Variants in OGDH observed in about 807,000 individuals in gnomAD.
OGDH encodes oxoglutarate dehydrogenase, also known as 2-oxoglutarate dehydrogenase complex component E1.
Under a neutral mutation model 116.6 loss-of-function variants are expected in OGDH, and 38 were observed. That is an observed-to-expected ratio of 0.33 (90% CI 0.25 to 0.43). The LOEUF is 0.43. Ranked by LOEUF, OGDH falls within the 20% of genes least tolerant of loss-of-function variation. OGDH has a pLI of 1.00. For synonymous variants in OGDH, 488 were observed against 533.3 expected, an observed-to-expected ratio of 0.92 and a Z score of 1.17; for missense variants, 825 against 1,357.2, an observed-to-expected ratio of 0.61 and a Z score of 6.16.
chr7:44,618,038 C>T (rs974074151), intron 1 of OGDH, among the ~76,000 whole-genome samples: 2 of 152,146 alleles, frequency 1.3e-5, no homozygotes, highest in Admixed American at 6.5e-5. Context: ...TTAAGTATAT[C>T]GTTTCCTAAG....
At chr7:44,676,327 G>T (rs560630787) in intron 9 of OGDH, 178 bp downstream of exon 9, 1 of 1,404,722 alleles carries the variant, frequency 7.1e-7, no homozygotes, top group Non-Finnish European at 9.5e-7. Context: ...AGGCCGAGGT[G>T]GGCAGATCAC....
intron 18 of OGDH, among the ~76,000 whole-genome samples, chr7:44,699,457 A>G (rs1163134337): frequency 1.3e-5 from 2 of 151,756 alleles, no homozygotes; most frequent in Admixed American, 6.6e-5. Context: ...AAACTCAAAG[A>G]AAATGATTAG....
chr7:44,703,711 G>A lies in OGDH; in HGVS notation c.2632+2096G>A, dbSNP rs556555524. Among the ~76,000 whole-genome samples, 5 of 150,860 alleles carry A rather than the reference G, an allele frequency of 3.3e-5. No individual in the cohort carries two copies. In the South Asian group the frequency reaches 6.3e-4, roughly 19 times the overall value. On this transcript the variant is annotated intron_variant, in intron 20 of 22. Transcript: ENST00000222673. Reference sequence around the variant, plus strand: ...TTCCAGCCTGGGTGACAGAGACTCCGTCTCAAAAAAAATAAATAAATAAAC... The same window carrying A: ...TTCCAGCCTGGGTGACAGAGACTCCATCTCAAAAAAAATAAATAAATAAAC...
At position 44,708,994 on chromosome 7, in the gene OGDH, T is replaced by TA. The variant is rs3839752; in HGVS notation, c.*1009dup. On this transcript the variant is annotated 3_prime_UTR_variant, in exon 23 of 23. Transcript: ENST00000222673. ...ACAGATCTGATTTATTTATTTTGGTTAAAAAAAAAAAAAAGGAACAGAAAC... is the reference window on the plus strand; with the variant it reads ...ACAGATCTGATTTATTTATTTTGGTTAAAAAAAAAAAAAAAGGAACAGAAAC... 0.2 allele frequency: 29,249 copies of TA among 145,288 alleles called. 4,507 individuals are homozygous for TA. Among genetic ancestry groups the TA allele is most frequent in the East Asian group, 0.48 (2,390 of 4,996 alleles). The allele number at this position is 145,288 out of a possible 1,614,324, so 9.0% of individuals were successfully genotyped here. A position where few individuals can be genotyped will look rare whatever the true frequency, so the allele number is the denominator to read the frequency against.
rs564415953 is a variant in OGDH at position 44,645,281 on chromosome 7, G to T, written c.223-46G>T. 7.2e-5 allele frequency: 113 copies of T among 1,564,132 alleles called. 1 individual carries two copies. In the South Asian group the frequency reaches 9.7e-4, roughly 13 times the overall value. On this transcript the variant is annotated intron_variant, in intron 2 of 22. Coordinates refer to ENST00000222673, the MANE Select transcript of OGDH (RefSeq NM_002541.4). ...TCTCTGTGGCCACAGATGCATCCTG[G>T]ACTTAGGGGAGCAGTGAGGTAACCC...
intron 9 of OGDH, among the ~76,000 whole-genome samples, chr7:44,678,807 C>T (rs759119438): frequency 6.6e-6 from 1 of 152,178 alleles, no homozygotes; most frequent in African/African-American, 2.4e-5. Flanking sequence ...CTATTAAATC[C>T]AGAAACTCAG....
At chr7:44,667,213 A>G (rs1787224293) in intron 5 of OGDH, among the ~76,000 whole-genome samples, 1 of 152,170 alleles carries the variant, frequency 6.6e-6, no homozygotes, top group Non-Finnish European at 1.5e-5. Context: ...GGCCTCTCGA[A>G]GTGCTGGGAT....
intron 1 of OGDH, among the ~76,000 whole-genome samples, chr7:44,616,761 A>C (rs1021683060): frequency 6.9e-6 from 1 of 145,974 alleles, no homozygotes; most frequent in African/African-American, 2.5e-5. Context: ...ATGTGTATAT[A>C]TATACACGTA....
At chr7:44,671,047 A>C (rs974730720) in intron 5 of OGDH, among the ~76,000 whole-genome samples, 10 of 151,910 alleles carry the variant, frequency 6.6e-5, no homozygotes, top group Non-Finnish European at 1.3e-4. Flanking sequence ...AAAAAAGAAA[A>C]TATGGTTTGG....
At chr7:44,686,190 G>A (rs1158839944) in intron 10 of OGDH, among the ~76,000 whole-genome samples, 1 of 152,094 alleles carries the variant, frequency 6.6e-6, no homozygotes, top group Non-Finnish European at 1.5e-5. Flanking sequence ...TCAGCACAGT[G>A]TCAAAGTGGA....
At position 44,629,575 on chromosome 7, in the gene OGDH, C is replaced by CTTTTTTTT. The variant is rs1037295168; in HGVS notation, c.222+5014_222+5015insTTTTTTTT. Among the ~76,000 whole-genome samples the CTTTTTTTT allele has an allele frequency of 8.9e-5, 12 of 134,430 alleles. 2 individuals carry two copies. The highest frequency in any genetic ancestry group is 2.4e-4 in the South Asian group (1 of 4,192). The allele number at this position is 134,430 out of a possible 152,430, so 88.2% of individuals were successfully genotyped here. A position where few individuals can be genotyped will look rare whatever the true frequency, so the allele number is the denominator to read the frequency against. Reference sequence around the variant, plus strand: ...TTTCTTTTCTTTCCTTTTTCTTTTTCTTTTCTTTTTTTTTTTTTTTTTTGA... The same window carrying CTTTTTTTT: ...TTTCTTTTCTTTCCTTTTTCTTTTTCTTTTTTTTTTTTCTTTTTTTTTTTTTTTTTTGA... On this transcript the variant is annotated intron_variant, in intron 2 of 22. Coordinates refer to ENST00000222673, the MANE Select transcript of OGDH (RefSeq NM_002541.4).
In OGDH at chr7:44,676,089, C is replaced by T. The variant is rs138707524; in HGVS notation, c.1146C>T (p.Pro382=). The change falls in exon 9 of 23, where the codon CCC becomes CCT. Residue 382 remains proline, a synonymous_variant. Coordinates refer to ENST00000222673, the MANE Select transcript of OGDH (RefSeq NM_002541.4). ...CTTCCCACCTTGAGGCCGCTGACCC[C>T]GTGGTGATGGGCAAGACCAAAGCCG... ...ANPSHLEAAD[P]VVMGKTKAEQ... The T allele has an allele frequency of 4.3e-5, 69 of 1,613,868 alleles. No individual in the cohort carries two copies. The African/African-American group carries it at 5.1e-4, about 12-fold the overall frequency.
chr7:44,673,220 A>G (rs1787546604), intron 5 of OGDH, among the ~76,000 whole-genome samples: 1 of 152,162 alleles, frequency 6.6e-6, no homozygotes, highest in African/African-American at 2.4e-5. Flanking sequence ...TCAAAACATG[A>G]GGCAAGAAGA....
At chr7:44,624,708 G>A (rs553198312) in intron 2 of OGDH, 143 bp downstream of exon 2, 22 of 713,994 alleles carry the variant, frequency 3.1e-5, no homozygotes, top group South Asian at 2.7e-4. Flanking sequence ...TATCTGTATC[G>A]GACCCAGCAT....
At chr7:44,640,049 A>C (rs563555878) in intron 2 of OGDH, among the ~76,000 whole-genome samples, 2 of 152,360 alleles carry the variant, frequency 1.3e-5, no homozygotes, top group East Asian at 3.9e-4. Flanking sequence ...CCCTGTCTCC[A>C]GGGCCTAGGC....
At chr7:44,618,910 A>AG (rs1784904740) in intron 1 of OGDH, among the ~76,000 whole-genome samples, 1 of 152,244 alleles carries the variant, frequency 6.6e-6, no homozygotes, top group Non-Finnish European at 1.5e-5. Flanking sequence ...CTGAACAAAC[A>AG]GGCCTGGCTG....
chr7:44,628,119 CTTT>C lies in OGDH; in HGVS notation c.222+3558_222+3560del, dbSNP rs574481190. On this transcript the variant is annotated intron_variant, in intron 2 of 22. Coordinates refer to ENST00000222673, the MANE Select transcript of OGDH (RefSeq NM_002541.4). ...AAAAATCTATTCCCTACCCCAGTGACTTTTTTATTTGTTGGTTTATTTGGGGTT... is the reference window on the plus strand; with the variant it reads ...AAAAATCTATTCCCTACCCCAGTGACTTTATTTGTTGGTTTATTTGGGGTT... Among the ~76,000 whole-genome samples the C allele has an allele frequency of 2.8e-3, 430 of 152,308 alleles. 3 individuals are homozygous for C. Among genetic ancestry groups the C allele is most frequent in the Non-Finnish European group, 1.7e-3 (115 of 68,026 alleles).
In OGDH at chr7:44,697,599, T is replaced by C. The variant is rs1788644576; in HGVS notation, c.2180-5T>C. The stretch of plus-strand genomic sequence containing the variant: ...ATGGTTTTCTCCTTCCTTTGTCCCT[T>C]GTAGGCTTTGAGCTGGGCTTCGCCA... On this transcript the variant is annotated splice_region_variant and splice_polypyrimidine_tract_variant and intron_variant, in intron 16 of 22. Transcript: ENST00000222673. The surrounding 1 kb of genome is among the most constrained non-coding windows in gnomAD (Gnocchi z 6.0). The C allele has an allele frequency of 6.2e-7, 1 of 1,614,108 alleles. No individual in the cohort carries two copies. The highest frequency in any genetic ancestry group is 1.7e-5 in the Admixed American group (1 of 59,998).
In OGDH at chr7:44,697,543, C is replaced by G. The variant is rs113709500; in HGVS notation, c.2179+46C>G. ...CACCAGGGCCTGTCACCCACCCACC[C>G]CCGCTGGGCCTACTGGCTGGTGTCC... On this transcript the variant is annotated intron_variant, in intron 16 of 22. Transcript: ENST00000222673. The surrounding 1 kb of genome is among the most constrained non-coding windows in gnomAD (Gnocchi z 6.0). 545 of 1,613,424 alleles carry G rather than the reference C, an allele frequency of 3.4e-4. 3 individuals carry two copies. The East Asian group carries it at 8.0e-3, about 24-fold the overall frequency.
Sources: gnomAD v4.1 joint callset for allele counts (sites outside exome capture counted in the v4.1 genomes callset) on GRCh38, gnomAD v4.1.1 for gene constraint, Gnocchi (gnomAD v3.1) non-coding constraint, MANE v1.5 for transcripts, NCBI Gene and HGNC (gene_info 2026-07-23, HGNC 2026-07-21) for gene names.